SBNO2: variants seen among roughly 807,000 people sequenced by gnomAD.
SBNO2 encodes protein strawberry notch homolog 2.
A neutral mutation model predicts 146.3 loss-of-function variants in SBNO2; 89 were observed. The ratio of observed to expected loss-of-function variants is 0.61; its 90% CI spans 0.51 to 0.73. The LOEUF (loss-of-function observed/expected upper bound fraction) is 0.73, where lower values mean the gene tolerates loss of function less well. SBNO2 is among the 30% of genes least tolerant of loss of function. SBNO2 has a pLI of 0.00. For synonymous variants in SBNO2, 1,147 were observed against 892.6 expected, an observed-to-expected ratio of 1.29 and a Z score of -5.08; for missense variants, 2,092 against 2,003.7, an observed-to-expected ratio of 1.04 and a Z score of -0.84.
intron 1 of SBNO2, among the ~76,000 whole-genome samples, chr19:1,172,989 GAT>G (rs1491561424): frequency 4.4e-5 from 2 of 44,952 alleles, no homozygotes; most frequent in African/African-American, 1.4e-4. Flanking sequence ...ACATTTAAGA[GAT>G]TTTTTTTTTT....
At chr19:1,117,843 G>A (rs999609535) in intron 14 of SBNO2, among the ~76,000 whole-genome samples, 1 of 152,252 alleles carries the variant, frequency 6.6e-6, no homozygotes, top group African/African-American at 2.4e-5. Flanking sequence ...CTGTCCAGGG[G>A]ACACTGGGCA....
rs1033322508 is a variant in SBNO2, at chr19:1,136,191, G to A, written c.280-8426C>T. 3.7e-4 allele frequency among the ~76,000 whole-genome samples: 56 copies of A among 152,202 alleles called. No individual in the cohort carries two copies. Among genetic ancestry groups the A allele is most frequent in the African/African-American group, 1.2e-3 (48 of 41,528 alleles). ...AGATGCTGGAGGGGCCGGAAGGAGC[G>A]CGGCCCTGTCCGCACCTTGACTTTG... On this transcript the variant is annotated intron_variant, in intron 4 of 31. Transcript: ENST00000361757. This position sits in a 1 kb window ranked among gnomAD's most constrained non-coding sequence, Gnocchi z 4.2.
At chr19:1,155,234 C>G (rs897704949) in intron 1 of SBNO2, 1 of 152,286 alleles carries the variant, frequency 6.6e-6, no homozygotes, top group Non-Finnish European at 1.5e-5. Flanking sequence ...TCCGGGACTT[C>G]CAGTAATTGC....
intron 1 of SBNO2, among the ~76,000 whole-genome samples, chr19:1,163,142 T>C (rs941869455): frequency 6.6e-6 from 1 of 152,330 alleles, no homozygotes; most frequent in Non-Finnish European, 1.5e-5. Flanking sequence ...TACCCGCACC[T>C]GTGGGTGGGG....
At position 1,160,598 on chromosome 19, in the gene SBNO2, C is replaced by T. The variant is rs771552502; in HGVS notation, c.-126-6196G>A. On this transcript the variant is annotated intron_variant, in intron 1 of 31. Transcript: ENST00000361757. The stretch of plus-strand genomic sequence containing the variant: ...ATTTTTGTGGACCCACTGGGGGTCT[C>T]GGCTCACTGCAGCCTTCGCCTCCTG... 2.6e-5 allele frequency among the ~76,000 whole-genome samples: 4 copies of T among 152,128 alleles called. No homozygotes were observed. In the South Asian group the frequency reaches 6.2e-4, roughly 24 times the overall value.
intron 1 of SBNO2, among the ~76,000 whole-genome samples, chr19:1,167,794 C>A (rs1485338810): frequency 2.0e-5 from 3 of 152,206 alleles, no homozygotes; most frequent in Admixed American, 1.3e-4. Flanking sequence ...GAGGTCTCAG[C>A]CTGCGGTCAG....
At chr19:1,161,975 G>A (rs1239523534) in intron 1 of SBNO2, among the ~76,000 whole-genome samples, 5 of 134,184 alleles carry the variant, frequency 3.7e-5, no homozygotes, top group Admixed American at 8.3e-5. Flanking sequence ...CCCAGCAGCC[G>A]GCCAGACAGA....
At chr19:1,139,655 C>T (rs972969416) in intron 4 of SBNO2, among the ~76,000 whole-genome samples, 3 of 152,224 alleles carry the variant, frequency 2.0e-5, no homozygotes, top group Admixed American at 1.3e-4. Context: ...ATCAGCTGGG[C>T]GCGGTGGCGC....
In SBNO2 at chr19:1,109,651, G is replaced by C. The variant is rs766509146; in HGVS notation, c.3123+32C>G. ...GAGTGTGGTGGGGGCGGGGTGGGCA[G>C]AGTGTGAGGGGCTGTGGGGCTTCCT... On this transcript the variant is annotated intron_variant, in intron 27 of 31. Coordinates refer to ENST00000361757, the MANE Select transcript of SBNO2 (RefSeq NM_014963.3). The surrounding 1 kb of genome is among the most constrained non-coding windows in gnomAD (Gnocchi z 4.2). The C allele has an allele frequency of 2.5e-6, 4 of 1,601,334 alleles. No individual in the cohort carries two copies. The highest frequency in any genetic ancestry group is 3.4e-6 in the Non-Finnish European group (4 of 1,173,894).
At chr19:1,145,971 G>A (rs528316446) in intron 4 of SBNO2, among the ~76,000 whole-genome samples, 4 of 152,158 alleles carry the variant, frequency 2.6e-5, no homozygotes, top group Admixed American at 1.3e-4. Context: ...GGGAGTCTGA[G>A]GCCAAGGTGT....
At chr19:1,141,805 T>C (rs1194499823) in intron 4 of SBNO2, among the ~76,000 whole-genome samples, 2 of 152,008 alleles carry the variant, frequency 1.3e-5, no homozygotes, top group African/African-American at 4.8e-5. Flanking sequence ...CTATTTTTTA[T>C]ACAGATAGGG....
rs748245827 is a variant in SBNO2, at chr19:1,119,552, C to T, written c.1337G>A (p.Arg446Gln). 26 of 1,611,166 alleles carry T rather than the reference C, an allele frequency of 1.6e-5. No individual in the cohort carries two copies. The highest frequency in any genetic ancestry group is 4.0e-5 in the African/African-American group (3 of 74,900). Residue 446 changes from arginine (R) to glutamine (Q), a missense_variant, in exon 13 of 32, where the codon CGG becomes CAG. Transcript: ENST00000361757. ...LGIWGEGTPF[R>Q]NFEEFLHAIE... is the part of the protein sequence containing the mutation. ...GGCGTGCAGGAACTCCTCAAAGTTC[C>T]GGAAGGGTGTGCCCTCGCCCCAGAT...
intron 5 of SBNO2, among the ~76,000 whole-genome samples, chr19:1,124,965 G>A (rs1004628840): frequency 1.3e-5 from 2 of 152,056 alleles, no homozygotes; most frequent in Non-Finnish European, 2.9e-5. Context: ...CGGATGGCTG[G>A]GGGATGGTAG....
At chr19:1,117,854 T>C (rs2079851951) in intron 14 of SBNO2, among the ~76,000 whole-genome samples, 1 of 152,182 alleles carries the variant, frequency 6.6e-6, no homozygotes, top group Non-Finnish European at 1.5e-5. Flanking sequence ...ACACTGGGCA[T>C]GTCTGGGGCT....
In SBNO2 at chr19:1,108,505, CGGG is replaced by C; in HGVS notation, c.3813_3815del (p.Pro1272del). 8.3e-7 allele frequency: 1 copy of C among 1,204,812 alleles called. No homozygotes were observed. The highest frequency in any genetic ancestry group is 1.0e-6 in the Non-Finnish European group (1 of 968,780). The allele number at this position is 1,204,812 out of a possible 1,614,324, so 74.6% of individuals were successfully genotyped here. A position where few individuals can be genotyped will look rare whatever the true frequency, so the allele number is the denominator to read the frequency against. ...ACAGCGGCGCCGGGAAAGAGAAGTG[CGGG>C]GGCGGCGGGAAGGCCTCGGCCGGGG... On this transcript the variant is annotated inframe_deletion, in exon 32 of 32. Coordinates refer to ENST00000361757, the MANE Select transcript of SBNO2 (RefSeq NM_014963.3).
rs1004176631 is a variant in SBNO2, at chr19:1,110,491, G to A, written c.3028+254C>T. On this transcript the variant is annotated intron_variant, in intron 26 of 31. Transcript: ENST00000361757. The surrounding 1 kb of genome is among the most constrained non-coding windows in gnomAD (Gnocchi z 4.9). ...CCCAGGATGCATGGCGCTTCCACGA[G>A]CCCCTTGCCCACCTAGGCCCTCGCC... is the stretch of plus-strand genomic sequence containing the variant. Among the ~76,000 whole-genome samples the A allele has an allele frequency of 1.3e-5, 2 of 151,686 alleles. No individual in the cohort carries two copies. The highest frequency in any genetic ancestry group is 2.9e-5 in the Non-Finnish European group (2 of 67,898).
intron 10 of SBNO2, 47 bp from the exon 11 acceptor site, chr19:1,122,329 G>A (rs759694990): frequency 7.2e-6 from 11 of 1,525,092 alleles, no homozygotes; most frequent in African/African-American, 2.8e-5. Context: ...GGCTCAGCAG[G>A]CTCTGGACCT....
chr19:1,132,051 C>T (rs925027847), intron 4 of SBNO2: 15 of 1,472,896 alleles, frequency 1.0e-5, no homozygotes, highest in African/African-American at 4.4e-5. Flanking sequence ...CAGACCCCTG[C>T]CCCCGAGGGC....
rs769663003 is a variant in SBNO2, at chr19:1,112,336, CGGGGGCGGGGCCGAGACCATGTT to C, written c.2515+43_2516-36del. The C allele has an allele frequency of 1.5e-5, 23 of 1,563,102 alleles. No individual in the cohort carries two copies. Among genetic ancestry groups the C allele is most frequent in the South Asian group, 7.0e-5 (6 of 86,182 alleles). Reference sequence around the variant, plus strand: ...GAGCTGCTCTCAGGGCCCGGCCAGGCGGGGGCGGGGCCGAGACCATGTTGGGGGCGGGGCCAGGCAGCGCTGGG... The same window carrying C: ...GAGCTGCTCTCAGGGCCCGGCCAGGCGGGGGCGGGGCCAGGCAGCGCTGGG... On this transcript the variant is annotated intron_variant, in intron 21 of 31. Transcript: ENST00000361757. The surrounding 1 kb of genome is among the most constrained non-coding windows in gnomAD (Gnocchi z 5.9).
Sources: gnomAD v4.1 joint callset for allele counts (sites outside exome capture counted in the v4.1 genomes callset) on GRCh38, gnomAD v4.1.1 for gene constraint, Gnocchi (gnomAD v3.1) non-coding constraint, MANE v1.5 for transcripts, NCBI Gene and HGNC (gene_info 2026-07-23, HGNC 2026-07-21) for gene names.